The following USP8 variants were observed in gnomAD, a reference collection of about 807,000 sequenced individuals.
USP8 encodes ubiquitin carboxyl-terminal hydrolase 8.
In USP8, 27 loss-of-function variants were observed where a neutral mutation model predicts 130.0. That is an observed-to-expected ratio of 0.21 (90% confidence interval 0.15 to 0.29). The LOEUF (loss-of-function observed/expected upper bound fraction) is 0.29, where lower values mean the gene tolerates loss of function less well. Ranked by LOEUF, USP8 falls within the 10% of genes least tolerant of loss-of-function variation. The pLI is 1.00. For missense variants in USP8, 1,029 were observed against 1,312.2 expected (o/e 0.78, Z 3.33); for synonymous variants, 392 against 444.1 (o/e 0.88, Z 1.48).
chr15:50,424,625 C>T (rs140619780), intron 1 of USP8, 111 bp downstream of exon 1: 67 of 397,138 alleles, frequency 1.7e-4, no homozygotes, highest in African/African-American at 1.3e-3. Flanking sequence ...CAAGCTCTGT[C>T]CGCGGAGAGG....
intron 4 of USP8, among the ~76,000 whole-genome samples, chr15:50,454,693 G>A (rs1476946508): frequency 6.6e-6 from 1 of 152,106 alleles, no homozygotes; most frequent in Non-Finnish European, 1.5e-5. Flanking sequence ...GACCTCAGGT[G>A]ATCCACCCAC....
At chr15:50,496,879 A>C (rs1395277098) in intron 17 of USP8, 2 of 489,442 alleles carry the variant, frequency 4.1e-6, no homozygotes, top group Non-Finnish European at 6.9e-6. Flanking sequence ...GTCACAACAC[A>C]CTGTAGGTAG....
At position 50,502,675 on chromosome 15, in the gene USP8, A is replaced by AT. The variant is rs2052608038; in HGVS notation, c.*3592dup. On this transcript the variant is annotated 3_prime_UTR_variant, in exon 20 of 20. Transcript: ENST00000307179. Reference sequence around the variant, plus strand: ...GTGAGCCACTGCACCCAGCCTATTTATTTTTAGAAGCAGTTTCTTGCTATG... The same window carrying AT: ...GTGAGCCACTGCACCCAGCCTATTTATTTTTTAGAAGCAGTTTCTTGCTATG... 1 of 151,584 alleles carries AT rather than the reference A, an allele frequency of 6.6e-6. No individual in the cohort carries two copies. The highest frequency in any genetic ancestry group is 1.5e-5 in the Non-Finnish European group (1 of 67,942). The allele number at this position is 151,584 out of a possible 1,614,324, so 9.4% of individuals were successfully genotyped here. A position where few individuals can be genotyped will look rare whatever the true frequency, so the allele number is the denominator to read the frequency against.
intron 16 of USP8, 142 bp from the exon 17 acceptor site, chr15:50,495,706 C>T: frequency 3.3e-6 from 2 of 607,240 alleles, no homozygotes; most frequent in East Asian, 3.0e-5. Flanking sequence ...TTATTTTTTG[C>T]CACACTCAGT....
At chr15:50,475,622 G>T (rs1228225996) in intron 8 of USP8, among the ~76,000 whole-genome samples, 4 of 151,854 alleles carry the variant, frequency 2.6e-5, no homozygotes, top group Admixed American at 1.3e-4. Flanking sequence ...TATTTTTCGA[G>T]ATGAAGTCTC....
intron 1 of USP8, among the ~76,000 whole-genome samples, chr15:50,425,544 T>C (rs1184209905): frequency 6.6e-6 from 1 of 152,182 alleles, no homozygotes; most frequent in Non-Finnish European, 1.5e-5. Context: ...ATCTGGAAGG[T>C]GATATCGGTT....
At chr15:50,497,742 G>C (rs1489727655) in intron 18 of USP8, 1 of 152,136 alleles carries the variant, frequency 6.6e-6, no homozygotes, top group Non-Finnish European at 1.5e-5. Context: ...ACACGAACCA[G>C]ATCTTTTGCT....
Position 50,484,363 on chromosome 15 carries a change from T to G in USP8, c.1890+2T>G. The G allele has an allele frequency of 6.2e-7, 1 of 1,607,518 alleles. No individual in the cohort carries two copies. The highest frequency in any genetic ancestry group is 8.5e-7 in the Non-Finnish European group (1 of 1,177,604). The stretch of plus-strand genomic sequence containing the variant: ...ACAGACGATACCGAAAGAAATAAAG[T>G]AAGTAGTTTATTGCAGGAAAAAACT... On this transcript the variant is annotated splice_donor_variant, in intron 12 of 19. Coordinates refer to ENST00000307179, the MANE Select transcript of USP8 (RefSeq NM_005154.5). LOFTEE classifies it high-confidence loss of function.
At chr15:50,471,424 A>G (rs1448087593) in intron 7 of USP8, among the ~76,000 whole-genome samples, 4 of 152,188 alleles carry the variant, frequency 2.6e-5, no homozygotes, top group African/African-American at 9.6e-5. Flanking sequence ...AATAACTACT[A>G]AAACTATGTT....
chr15:50,457,885 AAAAAAAAG>A (rs1163150364), intron 4 of USP8, among the ~76,000 whole-genome samples: 3 of 151,756 alleles, frequency 2.0e-5, no homozygotes, highest in Non-Finnish European at 4.4e-5. Context: ...AAGAAAAGAA[AAAAAAAAG>A]AAAAAAAGAG....
At chr15:50,462,091 A>AT (rs11431370) in intron 5 of USP8, among the ~76,000 whole-genome samples, 189 bp from the exon 6 acceptor site, 20,855 of 152,148 alleles carry the variant, frequency 0.14, 1,949 homozygotes, top group Middle Eastern at 0.28. Context: ...ATTGCTAGTT[A>AT]TTTTAGCTGT....
intron 12 of USP8, among the ~76,000 whole-genome samples, chr15:50,488,715 C>A (rs192949547): frequency 1.8e-3 from 276 of 151,868 alleles, no homozygotes; most frequent in Non-Finnish European, 3.2e-3. Context: ...TAGGTGCATA[C>A]CACCATGGCT....
At chr15:50,435,540 T>C (rs1323058493) in intron 1 of USP8, among the ~76,000 whole-genome samples, 2 of 152,206 alleles carry the variant, frequency 1.3e-5, no homozygotes, top group Non-Finnish European at 2.9e-5. Context: ...AATTACTATA[T>C]ATGTTTTGCT....
chr15:50,457,888 A>C (rs1003624300), intron 4 of USP8, among the ~76,000 whole-genome samples: 1 of 151,642 alleles, frequency 6.6e-6, no homozygotes, highest in East Asian at 1.9e-4. Flanking sequence ...AAAAGAAAAA[A>C]AAAAGAAAAA....
chr15:50,474,734 G>A (rs2051503148), intron 8 of USP8, among the ~76,000 whole-genome samples: 1 of 152,200 alleles, frequency 6.6e-6, no homozygotes, highest in African/African-American at 2.4e-5. Context: ...TGTATAGATT[G>A]AAACAGCGAA....
rs1298189876 is a variant in USP8 at position 50,481,712 on chromosome 15, G to T, written c.1450G>T (p.Glu484Ter). ...EKNKQEKELR[E>*]RQQEEQKEKL... The stretch of plus-strand genomic sequence containing the variant: ...AAACAAACAAGAAAAAGAACTTCGG[G>T]AAAGGCAGCAAGAGGAACAGAAAGA... Residue 484 changes from glutamate (E) to a stop codon, truncating the protein, a stop_gained, in exon 11 of 20, where the codon GAA becomes TAA. Transcript: ENST00000307179. LOFTEE classifies it high-confidence loss of function. The T allele has an allele frequency of 6.2e-7, 1 of 1,611,928 alleles. No individual in the cohort carries two copies.
intron 4 of USP8, among the ~76,000 whole-genome samples, chr15:50,455,005 A>AACAG (rs1341764920): frequency 6.6e-6 from 1 of 151,492 alleles, no homozygotes; most frequent in Non-Finnish European, 1.5e-5. Context: ...CCCTTCAAAT[A>AACAG]CTGACTCTTT....
In USP8 at chr15:50,492,692, C is replaced by A; in HGVS notation, c.2235-9C>A. On this transcript the variant is annotated splice_polypyrimidine_tract_variant and intron_variant, in intron 14 of 19. Coordinates refer to ENST00000307179, the MANE Select transcript of USP8 (RefSeq NM_005154.5). ...TTTTAAGACATCTTGTATCCTTTTTCTTCCTCAGGCCAACATGTTATCCTA... is the reference window on the plus strand; with the variant it reads ...TTTTAAGACATCTTGTATCCTTTTTATTCCTCAGGCCAACATGTTATCCTA... The A allele has an allele frequency of 6.2e-7, 1 of 1,608,422 alleles. No homozygotes were observed.
At position 50,481,663 on chromosome 15, in the gene USP8, A is replaced by G; in HGVS notation, c.1401A>G (p.Ala467=). The stretch of plus-strand genomic sequence containing the variant: ...ATGAAGAAAAGGCTCGTATTCATGC[A>G]GAAACTGCTCTTCTAATGGAAAAAA... ...LTDEEKARIH[A]ETALLMEKNK... The change falls in exon 11 of 20, where the codon GCA becomes GCG. Residue 467 remains alanine, a synonymous_variant. Transcript: ENST00000307179. 1.9e-6 allele frequency: 3 copies of G among 1,613,218 alleles called. No homozygotes were observed. The highest frequency in any genetic ancestry group is 2.5e-6 in the Non-Finnish European group (3 of 1,179,838).
Sources: gnomAD v4.1 joint callset for allele counts (sites outside exome capture counted in the v4.1 genomes callset) on GRCh38, gnomAD v4.1.1 for gene constraint, MANE v1.5 for transcripts, NCBI Gene and HGNC (gene_info 2026-07-23, HGNC 2026-07-21) for gene names.